NETO1: variants seen among roughly 807,000 people sequenced by gnomAD.
The protein encoded by NETO1 is neuropilin and tolloid like 1.
A neutral mutation model predicts 61.3 loss-of-function variants in NETO1; 26 were observed. That is an observed-to-expected ratio of 0.42 (90% CI 0.31 to 0.59). The LOEUF is 0.59. Among genes scored for constraint, NETO1 ranks in the 20% least tolerant of loss-of-function variants. NETO1 has a pLI of 0.12. For missense variants in NETO1, 531 were observed against 662.8 expected (o/e 0.80, Z 2.18); for synonymous variants, 225 against 225.8 (o/e 1.00, Z 0.03).
intron 7 of NETO1, among the ~76,000 whole-genome samples, chr18:72,761,303 C>A (rs1280723815): frequency 6.6e-6 from 1 of 152,112 alleles, no homozygotes; most frequent in Non-Finnish European, 1.5e-5. Context: ...GGAGAATATG[C>A]CTTTGCTACA....
intron 7 of NETO1, among the ~76,000 whole-genome samples, chr18:72,778,281 A>G (rs1410810112): frequency 1.3e-5 from 2 of 152,174 alleles, no homozygotes; most frequent in Non-Finnish European, 2.9e-5. Context: ...GAGTTGGCCA[A>G]TCCACACTTA....
chr18:72,763,600 A>ACACAC (rs35945865), intron 7 of NETO1, among the ~76,000 whole-genome samples: 2 of 151,416 alleles, frequency 1.3e-5, no homozygotes, highest in Non-Finnish European at 3.0e-5. Context: ...CACACTCACA[A>ACACAC]ACACACACAC....
intron 4 of NETO1, among the ~76,000 whole-genome samples, chr18:72,796,284 T>TTTG (rs914605972): frequency 2.6e-5 from 4 of 151,274 alleles, no homozygotes; most frequent in Admixed American, 6.6e-5. Context: ...CATTAAAGGT[T>TTTG]TTGTTGTTGT....
At chr18:72,833,298 C>T (rs1296665089) in intron 4 of NETO1, among the ~76,000 whole-genome samples, 1 of 152,150 alleles carries the variant, frequency 6.6e-6, no homozygotes, top group Non-Finnish European at 1.5e-5. Context: ...AATCCTCCTA[C>T]TTTAGATCTG....
intron 1 of NETO1, chr18:72,866,934 C>A: frequency 2.3e-6 from 1 of 438,088 alleles, no homozygotes; most frequent in Admixed American, 4.9e-5. Context: ...CGCGCTCTCC[C>A]GCTTTCCACC....
intron 4 of NETO1, among the ~76,000 whole-genome samples, chr18:72,811,258 C>T (rs1349307261): frequency 2.6e-5 from 4 of 152,152 alleles, no homozygotes; most frequent in South Asian, 2.1e-4. Context: ...TGTTCTGTAA[C>T]GTGAAACCCA....
At chr18:72,820,382 A>G (rs997028156) in intron 4 of NETO1, among the ~76,000 whole-genome samples, 1 of 152,224 alleles carries the variant, frequency 6.6e-6, no homozygotes, top group Non-Finnish European at 1.5e-5. Flanking sequence ...AGCAAAATCA[A>G]TGATGGAATA....
At position 72,749,069 on chromosome 18, in the gene NETO1, G is replaced by C; in HGVS notation, c.1561C>G (p.Leu521Val). ...TTGTATTCAGATTCATGTTTGCTTAGAGACCCAATGAGGCAGAACCTGGAA... is the reference window on the plus strand; with the variant it reads ...TTGTATTCAGATTCATGTTTGCTTACAGACCCAATGAGGCAGAACCTGGAA... Reference protein sequence around the residue: ...AVQRFCLIGSLSKHESEYNTT... With the variant: ...AVQRFCLIGSVSKHESEYNTT... Residue 521 changes from leucine (L) to valine (V), a missense_variant, in exon 10 of 11, where the codon CTA becomes GTA. Transcript: ENST00000327305. The C allele has an allele frequency of 6.2e-7, 1 of 1,607,738 alleles. No homozygotes were observed. The highest frequency in any genetic ancestry group is 8.5e-7 in the Non-Finnish European group (1 of 1,174,576).
chr18:72,779,700 T>C (rs1028440729), intron 7 of NETO1, among the ~76,000 whole-genome samples: 5 of 152,196 alleles, frequency 3.3e-5, no homozygotes, highest in African/African-American at 1.2e-4. Flanking sequence ...GTATAAATAA[T>C]GGTAGAATTC....
At chr18:72,759,207 G>C (rs2070888931) in intron 7 of NETO1, among the ~76,000 whole-genome samples, 1 of 151,972 alleles carries the variant, frequency 6.6e-6, no homozygotes, top group African/African-American at 2.4e-5. Flanking sequence ...CCTTCTACCT[G>C]CCCCAGATAC....
intron 4 of NETO1, among the ~76,000 whole-genome samples, chr18:72,855,275 G>C (rs760290968): frequency 5.3e-5 from 8 of 152,062 alleles, no homozygotes; most frequent in Non-Finnish European, 8.8e-5. Flanking sequence ...GCGCCCCCTG[G>C]CCCTTCTACA....
At chr18:72,792,316 T>C (rs531617238) in intron 6 of NETO1, among the ~76,000 whole-genome samples, 39 of 152,168 alleles carry the variant, frequency 2.6e-4, no homozygotes, top group African/African-American at 9.4e-4. Flanking sequence ...ACATCTGTAA[T>C]TCCCGAAGCA....
At position 72,832,216 on chromosome 18, in the gene NETO1, T is replaced by C. The variant is rs371834108; in HGVS notation, c.469+26610A>G. ...AAATTTGAGGCCATATAAAATAATTTGTAATTCTTAAAAAAGTAGAATAAA... is the reference window on the plus strand; with the variant it reads ...AAATTTGAGGCCATATAAAATAATTCGTAATTCTTAAAAAAGTAGAATAAA... On this transcript the variant is annotated intron_variant, in intron 4 of 10. Transcript: ENST00000327305. Among the ~76,000 whole-genome samples, 28 of 152,282 alleles carry C rather than the reference T, an allele frequency of 1.8e-4. No homozygotes were observed. In the East Asian group the frequency reaches 3.7e-3, roughly 20 times the overall value.
chr18:72,783,633 T>C (rs749824248), intron 7 of NETO1, 45 bp downstream of exon 7: 2 of 1,511,244 alleles, frequency 1.3e-6, no homozygotes, highest in Admixed American at 1.7e-5. Flanking sequence ...ACTGGCATCA[T>C]ATGGCATATA....
chr18:72,793,380 C>T (rs979436582), intron 6 of NETO1, among the ~76,000 whole-genome samples: 4 of 152,110 alleles, frequency 2.6e-5, no homozygotes, highest in African/African-American at 9.7e-5. Flanking sequence ...ACAGAATCAC[C>T]ATAGTTGTGC....
In NETO1 at chr18:72,794,366, G is replaced by C. The variant is rs1178851868; in HGVS notation, c.508C>G (p.Pro170Ala). 3 of 1,612,662 alleles carry C rather than the reference G, an allele frequency of 1.9e-6. No individual in the cohort carries two copies. The highest frequency in any genetic ancestry group is 3.4e-5 in the Admixed American group (2 of 59,696). ...ATTAAATATCTATTTTACCAACCTG[G>C]TAATGGTTTCAAAGCTCCAAGGTCC... ...FKDLGALKPL[P>A]ACEFEMGGSE... Residue 170 changes from proline to alanine, a missense_variant, in exon 5 of 11, where the codon CCA becomes GCA. Transcript: ENST00000327305.
chr18:72,791,074 G>T (rs2072099203), intron 6 of NETO1, among the ~76,000 whole-genome samples: 1 of 152,086 alleles, frequency 6.6e-6, no homozygotes, highest in South Asian at 2.1e-4. Flanking sequence ...TCTTTTAAAT[G>T]ATCTAGTCAG....
At chr18:72,808,309 A>G (rs1359981384) in intron 4 of NETO1, among the ~76,000 whole-genome samples, 1 of 152,180 alleles carries the variant, frequency 6.6e-6, no homozygotes, top group Non-Finnish European at 1.5e-5. Flanking sequence ...GTCTAGGAAT[A>G]ACGAAGTGCA....
At chr18:72,866,774 G>A in intron 1 of NETO1, 2 of 992,956 alleles carry the variant, frequency 2.0e-6, no homozygotes, top group Non-Finnish European at 2.4e-6. Context: ...GGTCTCCAGG[G>A]CGGAAAGGGG....
Sources: gnomAD v4.1 joint callset for allele counts (sites outside exome capture counted in the v4.1 genomes callset) on GRCh38, gnomAD v4.1.1 for gene constraint, MANE v1.5 for transcripts, NCBI Gene and HGNC (gene_info 2026-07-23, HGNC 2026-07-21) for gene names.